SART3: variants seen among roughly 807,000 people sequenced by gnomAD.
SART3 encodes the protein spliceosome associated factor 3, U4/U6 recycling protein.
Under a neutral mutation model 122.3 loss-of-function variants are expected in SART3, and 44 were observed. The ratio of observed to expected loss-of-function variants is 0.36; its 90% confidence interval spans 0.28 to 0.46. The LOEUF (loss-of-function observed/expected upper bound fraction) is 0.46, where lower values mean the gene tolerates loss of function less well. Ranked by LOEUF, SART3 falls within the 20% of genes least tolerant of loss-of-function variation. The probability of loss-of-function intolerance (pLI) is 1.00; values close to 1 mark genes in which losing one functional copy is unlikely to be tolerated. For synonymous variants in SART3, 442 were observed against 454.0 expected (o/e 0.97, Z 0.34); for missense variants, 1,101 against 1,229.0 (o/e 0.90, Z 1.56).
At position 108,536,561 on chromosome 12, in the gene SART3, T is replaced by G. The variant is rs371509108; in HGVS notation, c.1399A>C (p.Ser467Arg). The G allele has an allele frequency of 1.5e-5, 24 of 1,614,038 alleles. No individual in the cohort carries two copies. Among genetic ancestry groups the G allele is most frequent in the Non-Finnish European group, 1.9e-5 (22 of 1,180,018 alleles). The change falls in exon 11 of 19, where the codon AGT becomes CGT. Residue 467 changes from serine to arginine, a missense_variant. Physicochemically the swap from Ser to Arg is moderately radical, Grantham distance 110. Around this residue, in one of 2 missense-constraint regions of SART3, gnomAD observed 885 missense variants for 1,080.1 expected, o/e 0.82. Coordinates refer to ENST00000546815, the MANE Select transcript of SART3 (RefSeq NM_014706.4). ...ATAATCACGCAGCTTGGATCACCAC[T>G]CTCATTGAAACCTTCAAAAACAGAA... ...KQEVEERFNESGDPSCVIMQN... is the reference protein window; with the variant it reads ...KQEVEERFNERGDPSCVIMQN...
chr12:108,535,596 C>G, intron 11 of SART3, 128 bp from the exon 12 acceptor site: 2 of 809,056 alleles, frequency 2.5e-6, no homozygotes, highest in Non-Finnish European at 4.3e-6. Flanking sequence ...TGTCCCTGGG[C>G]ATTCCCCAGG....
At position 108,547,983 on chromosome 12, in the gene SART3, G is replaced by C; in HGVS notation, c.448C>G (p.Leu150Val). The C allele has an allele frequency of 6.2e-7, 1 of 1,612,982 alleles. No homozygotes were observed. The highest frequency in any genetic ancestry group is 8.5e-7 in the Non-Finnish European group (1 of 1,179,934). ...CTGATCTCGTCATGCAGCCACTCCA[G>C]CCAGAGCTCTACGAGACAAAAATAC... is the stretch of plus-strand genomic sequence containing the variant. ...EIFPLTEELW[L>V]EWLHDEISMA... Residue 150 changes from leucine (L) to valine (V), a missense_variant, in exon 3 of 19, where the codon CTG becomes GTG. Around this residue, in one of 2 missense-constraint regions of SART3, gnomAD observed 885 missense variants for 1,080.1 expected, o/e 0.82. Transcript: ENST00000546815.
At chr12:108,541,362 C>G (rs1362701773) in intron 6 of SART3, among the ~76,000 whole-genome samples, 1 of 151,818 alleles carries the variant, frequency 6.6e-6, no homozygotes, top group Non-Finnish European at 1.5e-5. Flanking sequence ...GAGCCGAGAT[C>G]ACGCCACTTC....
Position 108,561,141 on chromosome 12 carries a change from G to A in SART3, c.14C>T (p.Ala5Val), listed in dbSNP as rs1410178813. The change falls in exon 1 of 19, where the codon GCC (alanine) becomes GTC (valine). Residue 5 changes from alanine (A) to valine (V), a missense_variant. Transcript: ENST00000546815. ...CTCGGGTTCTGAAGCCGAGGTTTCG[G>A]CCGCAGTCGCCATCTTGCGCTTCTA... MATA[A>V]ETSASEPEAE... 1.9e-6 allele frequency: 3 copies of A among 1,613,106 alleles called. No individual in the cohort carries two copies. Among genetic ancestry groups the A allele is most frequent in the Middle Eastern group, 1.7e-4 (1 of 6,060 alleles).
At position 108,540,459 on chromosome 12, in the gene SART3, T is replaced by C. The variant is rs151330691; in HGVS notation, c.907-1370A>G. On this transcript the variant is annotated intron_variant, in intron 6 of 18. Coordinates refer to ENST00000546815, the MANE Select transcript of SART3 (RefSeq NM_014706.4). The stretch of plus-strand genomic sequence containing the variant: ...GACACTGGACAAATTTATAATATTA[T>C]TATAAAGCTTTACAGAAAGACAAGA... Among the ~76,000 whole-genome samples, 1,110 of 152,170 alleles carry C rather than the reference T, an allele frequency of 7.3e-3. 9 individuals are homozygous for C. Among genetic ancestry groups the C allele is most frequent in the African/African-American group, 0.025 (1,054 of 41,500 alleles).
At chr12:108,542,315 C>G (rs766607636) in intron 6 of SART3, among the ~76,000 whole-genome samples, 1 of 152,232 alleles carries the variant, frequency 6.6e-6, no homozygotes, top group Non-Finnish European at 1.5e-5. Context: ...AACGAGAACT[C>G]TCAGATACTG....
Position 108,547,995 on chromosome 12 carries a change from C to A in SART3, c.440-4G>T. 1 of 1,612,074 alleles carries A rather than the reference C, an allele frequency of 6.2e-7. No individual in the cohort carries two copies. The highest frequency in any genetic ancestry group is 1.1e-5 in the South Asian group (1 of 91,070). Reference sequence around the variant, plus strand: ...TGCAGCCACTCCAGCCAGAGCTCTACGAGACAAAAATACTTCCCGCATTAA... The same window carrying A: ...TGCAGCCACTCCAGCCAGAGCTCTAAGAGACAAAAATACTTCCCGCATTAA... On this transcript the variant is annotated splice_polypyrimidine_tract_variant and splice_region_variant and intron_variant, in intron 2 of 18. Transcript: ENST00000546815.
intron 15 of SART3, among the ~76,000 whole-genome samples, chr12:108,528,412 G>C (rs1431284413): frequency 1.3e-5 from 2 of 151,614 alleles, no homozygotes; most frequent in Non-Finnish European, 2.9e-5. Context: ...GAACCCAGGA[G>C]GCGGAGGTTG....
intron 1 of SART3, among the ~76,000 whole-genome samples, chr12:108,558,938 C>G (rs1235009123): frequency 2.0e-5 from 3 of 146,570 alleles, no homozygotes; most frequent in Non-Finnish European, 3.0e-5. Context: ...GGGGCTGAGG[C>G]AGGAGAATGG....
intron 3 of SART3, 63 bp from the exon 4 acceptor site, chr12:108,545,386 A>T (rs1031792707): frequency 5.7e-5 from 87 of 1,536,322 alleles, no homozygotes; most frequent in Non-Finnish European, 7.4e-5. Context: ...AAACTGATGC[A>T]TAACAAACGA....
intron 11 of SART3, 29 bp downstream of exon 11, chr12:108,536,485 A>G: frequency 6.2e-7 from 1 of 1,609,700 alleles, no homozygotes; most frequent in South Asian, 1.1e-5. Context: ...ATGATGGATG[A>G]AAGTGCTAGA....
At chr12:108,530,969 T>C (rs997499488) in intron 14 of SART3, among the ~76,000 whole-genome samples, 1 of 152,208 alleles carries the variant, frequency 6.6e-6, no homozygotes, top group Non-Finnish European at 1.5e-5. Flanking sequence ...TTCTCGTAAA[T>C]TTTAGAGCCA....
chr12:108,526,979 A>C (rs941331511), intron 15 of SART3, among the ~76,000 whole-genome samples: 3 of 152,214 alleles, frequency 2.0e-5, no homozygotes, highest in African/African-American at 7.2e-5. Context: ...TTTGGAAAGC[A>C]CTACAAAGGA....
intron 7 of SART3, among the ~76,000 whole-genome samples, chr12:108,538,509 A>G (rs1184977310): frequency 6.6e-6 from 1 of 152,218 alleles, no homozygotes; most frequent in Non-Finnish European, 1.5e-5. Flanking sequence ...CCAACGAAAT[A>G]TCATTTCTGG....
intron 12 of SART3, among the ~76,000 whole-genome samples, chr12:108,533,316 T>G (rs1872768298): frequency 6.6e-6 from 1 of 151,662 alleles, no homozygotes; most frequent in Admixed American, 6.6e-5. Flanking sequence ...AGAAATCTTT[T>G]TAATGCACTG....
rs755365964 is a variant in SART3, at chr12:108,526,460, C to T, written c.2009G>A (p.Cys670Tyr). 6.2e-7 allele frequency: 1 copy of T among 1,614,218 alleles called. No individual in the cohort carries two copies. The highest frequency in any genetic ancestry group is 1.1e-5 in the South Asian group (1 of 91,090). The change falls in exon 16 of 19, where the codon TGT (cysteine) becomes TAT (tyrosine). Residue 670 changes from cysteine to tyrosine, a missense_variant. Cys to Tyr is a radical substitution (Grantham distance 194). Coordinates refer to ENST00000546815, the MANE Select transcript of SART3 (RefSeq NM_014706.4). ...VEVAAGPAGKCAAVDVEPPSK... is the reference protein window; with the variant it reads ...VEVAAGPAGKYAAVDVEPPSK... The stretch of plus-strand genomic sequence containing the variant: ...AGGGGGCTCCACATCTACGGCAGCA[C>T]ATTTCCCAGCGGGCCCTGCTGCTAC...
chr12:108,543,349 C>T (rs1036382216), intron 5 of SART3, among the ~76,000 whole-genome samples, 197 bp from the exon 6 acceptor site: 1 of 152,198 alleles, frequency 6.6e-6, no homozygotes, highest in Non-Finnish European at 1.5e-5. Context: ...CCCAGGCAAC[C>T]CTCCCAGCTA....
chr12:108,539,890 A>G (rs1310761148), intron 6 of SART3, among the ~76,000 whole-genome samples: 2 of 152,218 alleles, frequency 1.3e-5, no homozygotes, highest in South Asian at 2.1e-4. Context: ...ATTAAATATA[A>G]TATCTTCTTA....
Position 108,530,153 on chromosome 12 carries a change from T to C in SART3, c.1904A>G (p.Asp635Gly). The change falls in exon 15 of 19, where the codon GAT becomes GGT. Residue 635 changes from aspartate (D) to glycine (G), a missense_variant. Around this residue, in one of 2 missense-constraint regions of SART3, gnomAD observed 885 missense variants for 1,080.1 expected, o/e 0.82. Transcript: ENST00000546815. The part of the protein sequence containing the change: ...ADEDDEKEWG[D>G]DEEEQPSKRR... ...CAAGAGCTCCTTACCTTCTTCATCATCGCCCCACTCTTTCTCATCATCCTC... is the reference window on the plus strand; with the variant it reads ...CAAGAGCTCCTTACCTTCTTCATCACCGCCCCACTCTTTCTCATCATCCTC... The C allele has an allele frequency of 6.2e-7, 1 of 1,614,154 alleles. No individual in the cohort carries two copies. Among genetic ancestry groups the C allele is most frequent in the Non-Finnish European group, 8.5e-7 (1 of 1,180,034 alleles).
Sources: allele counts gnomAD v4.1 joint callset (sites outside exome capture counted in the v4.1 genomes callset), GRCh38; gene constraint gnomAD v4.1.1; regional missense constraint gnomAD v4.1.1; transcripts MANE v1.5; gene names NCBI Gene and HGNC (gene_info 2026-07-23, HGNC 2026-07-21).